BIRC6: variants seen among roughly 807,000 people sequenced by gnomAD.
BIRC6 encodes baculoviral IAP repeat containing 6.
BIRC6 carries 98 observed loss-of-function variants against 503.3 expected under a neutral mutation model. The observed-to-expected ratio is 0.19, with a 90% CI of 0.17 to 0.23. The LOEUF (loss-of-function observed/expected upper bound fraction) is 0.23, where lower values mean the gene tolerates loss of function less well. BIRC6 is among the 10% of genes least tolerant of loss of function. The probability of loss-of-function intolerance (pLI) is 1.00; values close to 1 mark genes in which losing one functional copy is unlikely to be tolerated. For missense variants in BIRC6, 5,360 were observed against 5,806.0 expected, an observed-to-expected ratio of 0.92 and a Z score of 2.50; for synonymous variants, 2,240 against 2,078.7, an observed-to-expected ratio of 1.08 and a Z score of -2.11.
At chr2:32,558,513 GA>G (rs1450219915) in intron 65 of BIRC6, 1 of 151,874 alleles carries the variant, frequency 6.6e-6, no homozygotes, top group Non-Finnish European at 1.5e-5. Flanking sequence ...CTAATATTTT[GA>G]AAAAGCAATT....
chr2:32,616,792 G>A (rs1168596116), intron 73 of BIRC6, among the ~76,000 whole-genome samples: 3 of 152,098 alleles, frequency 2.0e-5, no homozygotes, highest in African/African-American at 7.2e-5. Flanking sequence ...CAAATCAAGG[G>A]ATTACGGTGT....
chr2:32,417,945 A>G (rs1385597433), intron 10 of BIRC6, among the ~76,000 whole-genome samples: 2 of 152,010 alleles, frequency 1.3e-5, no homozygotes, highest in Non-Finnish European at 2.9e-5. Context: ...ACACTTGGCT[A>G]ATTTTTGTAT....
intron 65 of BIRC6, among the ~76,000 whole-genome samples, chr2:32,561,133 G>C (rs2059148118): frequency 6.6e-6 from 1 of 151,768 alleles, no homozygotes; most frequent in Non-Finnish European, 1.5e-5. Flanking sequence ...GGGAGACAGA[G>C]GTTGCAGTGA....
chr2:32,425,881 C>T (rs2043433703), intron 10 of BIRC6, among the ~76,000 whole-genome samples: 1 of 152,230 alleles, frequency 6.6e-6, no homozygotes, highest in African/African-American at 2.4e-5. Context: ...TCCGCCCTGG[C>T]ACCAGCCAGC....
intron 71 of BIRC6, among the ~76,000 whole-genome samples, chr2:32,606,663 AT>A (rs927550805): frequency 2.0e-5 from 3 of 152,138 alleles, no homozygotes; most frequent in African/African-American, 7.2e-5. Context: ...TGGAATAAAA[AT>A]TTAAAATGGT....
At chr2:32,460,821 C>G (rs1178746895) in intron 23 of BIRC6, among the ~76,000 whole-genome samples, 1 of 151,674 alleles carries the variant, frequency 6.6e-6, no homozygotes, top group Non-Finnish European at 1.5e-5. Context: ...GTATTAAAAA[C>G]CATATATATT....
In BIRC6 at chr2:32,473,184, G is replaced by T. The variant is rs760119340; in HGVS notation, c.6665G>T (p.Ser2222Ile). ...SLNRSSKGSSSLDRLYSRKIR... is the reference protein window; with the variant it reads ...SLNRSSKGSSILDRLYSRKIR... ...AATAGATCTTCTAAAGGCAGCAGTAGCCTTGATAGATTATATTCCAGAAAA... is the reference window on the plus strand; with the variant it reads ...AATAGATCTTCTAAAGGCAGCAGTATCCTTGATAGATTATATTCCAGAAAA... Residue 2222 changes from serine to isoleucine, a missense_variant, in exon 33 of 74, where the codon AGC becomes ATC. Ser to Ile is a moderately radical substitution (Grantham distance 142, BLOSUM62 -2). This residue lies in a region of BIRC6 where 2,299 missense variants were observed against 2,267.2 expected (regional missense o/e 1.01). Coordinates refer to ENST00000421745, the MANE Select transcript of BIRC6 (RefSeq NM_016252.4). 1.4e-5 allele frequency: 22 copies of T among 1,564,886 alleles called. No individual in the cohort carries two copies. Among genetic ancestry groups the T allele is most frequent in the Admixed American group, 1.9e-5 (1 of 52,862 alleles).
At chr2:32,533,631 C>T (rs1232072908) in intron 61 of BIRC6, among the ~76,000 whole-genome samples, 1 of 152,108 alleles carries the variant, frequency 6.6e-6, no homozygotes, top group Non-Finnish European at 1.5e-5. Flanking sequence ...ACATAGAGGG[C>T]TCTTTGAAGA....
rs887749223 is a variant in BIRC6 at position 32,447,142 on chromosome 2, A to T, written c.4484+1474A>T. On this transcript the variant is annotated intron_variant, in intron 21 of 73. Transcript: ENST00000421745. ...TACAGAACAAAATGAAAAGTCTCCCATGTCTACCTCTATCCACACAGACCC... is the reference window on the plus strand; with the variant it reads ...TACAGAACAAAATGAAAAGTCTCCCTTGTCTACCTCTATCCACACAGACCC... 3.7e-4 allele frequency among the ~76,000 whole-genome samples: 56 copies of T among 149,986 alleles called. 1 individual carries two copies. Among genetic ancestry groups the T allele is most frequent in the African/African-American group, 1.3e-3 (51 of 40,558 alleles).
intron 1 of BIRC6, among the ~76,000 whole-genome samples, chr2:32,372,249 C>T (rs554255037): frequency 1.8e-4 from 28 of 152,188 alleles, no homozygotes; most frequent in Admixed American, 8.5e-4. Context: ...GGATACAGAC[C>T]AGTTTCAACA....
chr2:32,389,011 A>G (rs2038867167), intron 4 of BIRC6, 68 bp downstream of exon 4: 1 of 1,054,360 alleles, frequency 9.5e-7, no homozygotes. Context: ...AACAAGGAAT[A>G]ACTAGAAAAT....
intron 66 of BIRC6, among the ~76,000 whole-genome samples, chr2:32,577,412 A>G (rs997022279): frequency 2.6e-4 from 40 of 152,284 alleles, no homozygotes; most frequent in Admixed American, 9.8e-4. Context: ...TAGATGAAAA[A>G]TTGCATAATG....
chr2:32,462,817 A>G (rs2148855009), intron 23 of BIRC6, among the ~76,000 whole-genome samples: 1 of 152,130 alleles, frequency 6.6e-6, no homozygotes, highest in South Asian at 2.1e-4. Context: ...TTAGCCAGGC[A>G]TGGTGGTGCA....
chr2:32,447,415 C>A (rs1327785373), intron 21 of BIRC6, among the ~76,000 whole-genome samples: 3 of 149,766 alleles, frequency 2.0e-5, no homozygotes, highest in African/African-American at 7.4e-5. Context: ...GACGGGGCGG[C>A]TGGCCGGGCG....
chr2:32,508,275 C>CT lies in BIRC6; in HGVS notation c.9980+16_9980+17insT. ...CCAAAACAAGGTATGTTTTGTTTGTCCTTTTTTTTTTTTTTTTTTTTTTTT... is the reference window on the plus strand; with the variant it reads ...CCAAAACAAGGTATGTTTTGTTTGTCTCTTTTTTTTTTTTTTTTTTTTTTTT... On this transcript the variant is annotated intron_variant, in intron 51 of 73. Coordinates refer to ENST00000421745, the MANE Select transcript of BIRC6 (RefSeq NM_016252.4). The CT allele has an allele frequency of 2.9e-5, 17 of 577,782 alleles. No homozygotes were observed. Among genetic ancestry groups the CT allele is most frequent in the South Asian group, 2.2e-4 (4 of 18,142 alleles). The allele number at this position is 577,782 out of a possible 1,614,324, so 35.8% of individuals were successfully genotyped here. A position where few individuals can be genotyped will look rare whatever the true frequency, so the allele number is the denominator to read the frequency against.
In BIRC6 at chr2:32,463,208, G is replaced by T. The variant is rs765428007; in HGVS notation, c.4768G>T (p.Val1590Phe). 1.6e-5 allele frequency: 25 copies of T among 1,610,350 alleles called. No individual in the cohort carries two copies. Among genetic ancestry groups the T allele is most frequent in the Middle Eastern group, 1.7e-4 (1 of 6,050 alleles). ...ERDDAMSSFGVTPAVGGLSSG... is the reference protein window; with the variant it reads ...ERDDAMSSFGFTPAVGGLSSG... ...TCTTATGCCAGTGAGTTCCTTCGGG[G>T]TTACTCCTGCAGTAGGTGGACTATC... Residue 1590 changes from valine (V) to phenylalanine (F), a missense_variant, in exon 24 of 74, where the codon GTT becomes TTT. Val to Phe is a conservative substitution (Grantham distance 50, BLOSUM62 -1). Around this residue, in one of 16 missense-constraint regions of BIRC6, gnomAD observed 2,299 missense variants for 2,267.2 expected, o/e 1.01. Coordinates refer to ENST00000421745, the MANE Select transcript of BIRC6 (RefSeq NM_016252.4).
At chr2:32,537,087 C>T (rs568550258) in intron 61 of BIRC6, among the ~76,000 whole-genome samples, 43 of 152,180 alleles carry the variant, frequency 2.8e-4, no homozygotes, top group Admixed American at 9.8e-4. Flanking sequence ...TATAAGAATG[C>T]GTGTGATTTT....
At chr2:32,598,978 C>T (rs904483847) in intron 69 of BIRC6, among the ~76,000 whole-genome samples, 4 of 142,612 alleles carry the variant, frequency 2.8e-5, no homozygotes, top group African/African-American at 5.3e-5. Flanking sequence ...GCTGAGATCT[C>T]GCCACTGCAC....
intron 3 of BIRC6, among the ~76,000 whole-genome samples, chr2:32,387,984 C>T (rs944916580): frequency 2.0e-5 from 3 of 152,078 alleles, no homozygotes; most frequent in African/African-American, 7.2e-5. Context: ...TATATGTATA[C>T]ATTATAGAAA....
Sources: allele counts gnomAD v4.1 joint callset (sites outside exome capture counted in the v4.1 genomes callset), GRCh38; gene constraint gnomAD v4.1.1; regional missense constraint gnomAD v4.1.1; transcripts MANE v1.5; gene names NCBI Gene and HGNC (gene_info 2026-07-23, HGNC 2026-07-21).